WDR62: variants seen among roughly 807,000 people sequenced by gnomAD.
WDR62 encodes the protein WD repeat-containing protein 62.
WDR62 carries 112 observed loss-of-function variants against 160.6 expected under a neutral mutation model. That is an observed-to-expected ratio of 0.70 (90% confidence interval 0.60 to 0.82). The LOEUF (loss-of-function observed/expected upper bound fraction) is 0.82. Among genes scored for constraint, WDR62 ranks in the 40% least tolerant of loss-of-function variants. The pLI, the probability that WDR62 is intolerant of heterozygous loss-of-function variation, is 0.00. For missense variants in WDR62, 1,819 were observed against 1,983.8 expected (o/e 0.92, Z 1.58); for synonymous variants, 792 against 815.1 (o/e 0.97, Z 0.48).
chr19:36,069,482 G>C (rs1971160653), intron 7 of WDR62, among the ~76,000 whole-genome samples: 1 of 152,020 alleles, frequency 6.6e-6, no homozygotes, highest in African/African-American at 2.4e-5. Flanking sequence ...TGGCAGCCGG[G>C]AAGAGGCGCT....
At chr19:36,103,107 G>T (rs1973484045) in intron 28 of WDR62, 33 bp downstream of exon 28, 1 of 1,613,942 alleles carries the variant, frequency 6.2e-7, no homozygotes, top group Admixed American at 1.7e-5. Flanking sequence ...TCAGGGCACG[G>T]GGCTGGGAAC....
At chr19:36,069,112 C>T (rs567104332) in intron 7 of WDR62, among the ~76,000 whole-genome samples, 105 of 145,952 alleles carry the variant, frequency 7.2e-4, no homozygotes, top group Non-Finnish European at 1.3e-3. Flanking sequence ...AGCGGCTGGC[C>T]GGGCGGGGGC....
Position 36,102,859 on chromosome 19 carries a change from C to T in WDR62, c.3335+8C>T, listed in dbSNP as rs1480495950. 9 of 1,614,180 alleles carry T rather than the reference C, an allele frequency of 5.6e-6. No homozygotes were observed. Among genetic ancestry groups the T allele is most frequent in the Middle Eastern group, 1.6e-4 (1 of 6,062 alleles). On this transcript the variant is annotated splice_region_variant and intron_variant, in intron 27 of 31. Coordinates refer to ENST00000401500, the MANE Select transcript of WDR62 (RefSeq NM_001083961.2). ...CCTCCAGAAGGCATCCAGGTAGAAGCTGGCCAAGCACTGCCCACCCTCTGG... is the reference window on the plus strand; with the variant it reads ...CCTCCAGAAGGCATCCAGGTAGAAGTTGGCCAAGCACTGCCCACCCTCTGG...
rs77898819 is a variant in WDR62 at position 36,101,683 on chromosome 19, C to T, written c.2991C>T (p.Ala997=). The change falls in exon 25 of 32, where the codon GCC becomes GCT. Residue 997 remains alanine (A), a synonymous_variant. Coordinates refer to ENST00000401500, the MANE Select transcript of WDR62 (RefSeq NM_001083961.2). ...SPPEDSGESE[A]DLECSFAAIH... ...CTTCAGACTCGGGGGAGTCAGAGGC[C>T]GACCTGGAGTGCAGCTTCGCAGCCA... 13,647 of 1,550,910 alleles carry T rather than the reference C, an allele frequency of 8.8e-3. 152 individuals are homozygous for T. Among genetic ancestry groups the T allele is most frequent in the South Asian group, 0.04 (3,388 of 84,042 alleles).
At chr19:36,078,374 C>T (rs1433517015) in intron 9 of WDR62, among the ~76,000 whole-genome samples, 1 of 151,632 alleles carries the variant, frequency 6.6e-6, no homozygotes, top group East Asian at 2.0e-4. Context: ...TCTCAAACTC[C>T]TCGCCTCAAG....
downstream of WDR62, among the ~76,000 whole-genome samples, chr19:36,106,384 C>A (rs1435969430): frequency 7.2e-6 from 1 of 139,002 alleles, no homozygotes; most frequent in Non-Finnish European, 1.6e-5. Context: ...AAAAAAAAAT[C>A]CTGCCAGTTC....
intron 3 of WDR62, chr19:36,060,234 A>G: frequency 3.2e-6 from 2 of 616,584 alleles, no homozygotes; most frequent in Non-Finnish European, 5.8e-6. Flanking sequence ...TCTGCTGGCT[A>G]GAGCGAGACA....
At chr19:36,086,846 C>A (rs182224610) in intron 13 of WDR62, 34 bp downstream of exon 13, 1 of 1,600,376 alleles carries the variant, frequency 6.2e-7, no homozygotes, top group Non-Finnish European at 8.5e-7. Flanking sequence ...CTGCGCCTTG[C>A]TAGCTACCCT....
rs761588541 is a variant in WDR62, at chr19:36,103,866, A to C, written c.4038A>C (p.Pro1346=). 3.1e-6 allele frequency: 5 copies of C among 1,602,148 alleles called. No individual in the cohort carries two copies. The highest frequency in any genetic ancestry group is 2.2e-5 in the South Asian group (2 of 91,068). Residue 1346 remains proline (P), a synonymous_variant, in exon 30 of 32, where the codon CCA becomes CCC. Transcript: ENST00000401500. ...ALRLHGSAFR[P]SLPAPESPGL... ...GGCTCCACGGCTCTGCCTTTCGCCC[A>C]AGTCTCCCAGCTCCTGAGTCCCCTG...
chr19:36,103,719 G>C lies in WDR62; in HGVS notation c.3891G>C (p.Leu1297=). Residue 1297 remains leucine (L), a synonymous_variant, in exon 30 of 32, where the codon CTG becomes CTC. Transcript: ENST00000401500. ...SWGNHEARAN[L]RLTLSSACDG... is the part of the protein sequence containing the mutation. ...GCAACCACGAGGCCCGGGCCAACCT[G>C]AGACTGACCCTGTCAAGTGCCTGTG... 6.2e-7 allele frequency: 1 copy of C among 1,611,114 alleles called. No homozygotes were observed. The highest frequency in any genetic ancestry group is 8.5e-7 in the Non-Finnish European group (1 of 1,179,998).
At position 36,103,698 on chromosome 19, in the gene WDR62, C is replaced by T; in HGVS notation, c.3870C>T (p.Asn1290=). The change falls in exon 30 of 32, where the codon AAC becomes AAT. Residue 1290 remains asparagine, a synonymous_variant. Coordinates refer to ENST00000401500, the MANE Select transcript of WDR62 (RefSeq NM_001083961.2). ...AGCCTGCCCTGCGTTCCTGGGGCAA[C>T]CACGAGGCCCGGGCCAACCTGAGAC... is the stretch of plus-strand genomic sequence containing the variant. The part of the protein sequence containing the change: ...GQEPALRSWG[N]HEARANLRLT... 2 of 1,610,548 alleles carry T rather than the reference C, an allele frequency of 1.2e-6. No individual in the cohort carries two copies. The highest frequency in any genetic ancestry group is 1.7e-6 in the Non-Finnish European group (2 of 1,180,010).
rs908266193 is a variant in WDR62, at chr19:36,089,119, G to A, written c.1836+14G>A. ...AGTGCCCAGCAGGTAGGGTGGCATG[G>A]CCTCCTTGGGGGCTGGGGTGGGGGG... On this transcript the variant is annotated intron_variant, in intron 14 of 31. Coordinates refer to ENST00000401500, the MANE Select transcript of WDR62 (RefSeq NM_001083961.2). 6.2e-7 allele frequency: 1 copy of A among 1,613,954 alleles called. No individual in the cohort carries two copies. Among genetic ancestry groups the A allele is most frequent in the African/African-American group, 1.3e-5 (1 of 75,034 alleles).
intron 20 of WDR62, among the ~76,000 whole-genome samples, chr19:36,094,469 G>C (rs762873655): frequency 3.3e-5 from 5 of 151,908 alleles, no homozygotes; most frequent in African/African-American, 4.8e-5. Context: ...CAGGAAAATT[G>C]CTTGAACCTG....
intron 13 of WDR62, among the ~76,000 whole-genome samples, chr19:36,087,961 G>A (rs1972352711): frequency 6.6e-6 from 1 of 152,208 alleles, no homozygotes; most frequent in Non-Finnish European, 1.5e-5. Flanking sequence ...GTTAAATACG[G>A]TACTTGGATT....
intron 21 of WDR62, 112 bp downstream of exon 21, chr19:36,097,191 C>G (rs1973024803): frequency 2.0e-6 from 2 of 1,019,482 alleles, no homozygotes; most frequent in Non-Finnish European, 1.5e-6. Flanking sequence ...CTGGAGAAGC[C>G]CTGTCATCCT....
Position 36,058,763 on chromosome 19 carries a change from G to C in WDR62, c.178-17G>C. ...TGGCTAGGGTGGGTGCCTCTGACTT[G>C]GGCTTTTTCTTTGCAGGTGTCACTC... On this transcript the variant is annotated splice_polypyrimidine_tract_variant and intron_variant, in intron 1 of 31. Transcript: ENST00000401500. 6.2e-7 allele frequency: 1 copy of C among 1,611,966 alleles called. No homozygotes were observed. The highest frequency in any genetic ancestry group is 8.5e-7 in the Non-Finnish European group (1 of 1,178,306).
chr19:36,083,828 C>T (rs1347922518), intron 11 of WDR62, among the ~76,000 whole-genome samples: 1 of 152,170 alleles, frequency 6.6e-6, no homozygotes, highest in Non-Finnish European at 1.5e-5. Context: ...CAGCAGCCAC[C>T]AGGCAGCCCC....
intron 11 of WDR62, among the ~76,000 whole-genome samples, chr19:36,083,511 G>A (rs1207730994): frequency 2.0e-5 from 3 of 152,312 alleles, no homozygotes; most frequent in South Asian, 4.1e-4. Flanking sequence ...CATGACTCTA[G>A]GGCAGCGTGA....
Position 36,081,419 on chromosome 19 carries a change from T to C in WDR62, c.1234-14T>C, listed in dbSNP as rs1477503639. ...CATTGAGTCATCCTTTGCCTTGTCCTCTGGGAACTGTAGGTGTATCCTGAG... is the reference window on the plus strand; with the variant it reads ...CATTGAGTCATCCTTTGCCTTGTCCCCTGGGAACTGTAGGTGTATCCTGAG... On this transcript the variant is annotated splice_polypyrimidine_tract_variant and intron_variant, in intron 9 of 31. Coordinates refer to ENST00000401500, the MANE Select transcript of WDR62 (RefSeq NM_001083961.2). 7 of 1,614,062 alleles carry C rather than the reference T, an allele frequency of 4.3e-6. No individual in the cohort carries two copies. Among genetic ancestry groups the C allele is most frequent in the South Asian group, 3.3e-5 (3 of 91,084 alleles).
Sources: gnomAD v4.1 joint callset for allele counts (sites outside exome capture counted in the v4.1 genomes callset) on GRCh38, gnomAD v4.1.1 for gene constraint, MANE v1.5 for transcripts, NCBI Gene and HGNC (gene_info 2026-07-23, HGNC 2026-07-21) for gene names.